Variants in PPP2R2A observed in about 807,000 individuals in gnomAD.
PPP2R2A encodes serine/threonine-protein phosphatase 2A 55 kDa regulatory subunit B alpha isoform.
A neutral mutation model predicts 53.2 loss-of-function variants in PPP2R2A; 9 were observed. The ratio of observed to expected loss-of-function variants is 0.17; its 90% confidence interval spans 0.10 to 0.30. The LOEUF (loss-of-function observed/expected upper bound fraction) is 0.30, where lower values mean the gene tolerates loss of function less well. PPP2R2A is among the 10% of genes least tolerant of loss of function. The probability of loss-of-function intolerance (pLI) is 1.00; values close to 1 mark genes in which losing one functional copy is unlikely to be tolerated. For missense variants in PPP2R2A, 235 were observed against 534.6 expected (o/e 0.44, Z 5.53); for synonymous variants, 169 against 174.2 (o/e 0.97, Z 0.23).
intron 2 of PPP2R2A, among the ~76,000 whole-genome samples, chr8:26,327,436 G>A (rs1462937166): frequency 6.6e-6 from 1 of 152,208 alleles, no homozygotes; most frequent in Non-Finnish European, 1.5e-5. Flanking sequence ...AGATGAGTAG[G>A]TCAAGCTTTA....
chr8:26,321,520 G>C lies in PPP2R2A; in HGVS notation c.83-17370G>C, dbSNP rs1229563888. ...GCTGGGATGCTGCTTCAGAGGTTAG[G>C]TTACAGAAAGGTTTTGGCATCCATG... On this transcript the variant is annotated intron_variant, in intron 2 of 9. Coordinates refer to ENST00000380737, the MANE Select transcript of PPP2R2A (RefSeq NM_002717.4). This position sits in a 1 kb window ranked among gnomAD's most constrained non-coding sequence, Gnocchi z 4.1. 6.6e-6 allele frequency among the ~76,000 whole-genome samples: 1 copy of C among 152,178 alleles called. No homozygotes were observed. Among genetic ancestry groups the C allele is most frequent in the Non-Finnish European group, 1.5e-5 (1 of 68,036 alleles).
At chr8:26,330,307 CTTT>C (rs11351968) in intron 2 of PPP2R2A, among the ~76,000 whole-genome samples, 2 of 129,938 alleles carry the variant, frequency 1.5e-5, no homozygotes, top group South Asian at 2.4e-4. Context: ...ATTCTTTTTT[CTTT>C]TTTTTTTTTT....
intron 3 of PPP2R2A, among the ~76,000 whole-genome samples, chr8:26,349,612 C>A (rs1804392981): frequency 6.6e-6 from 1 of 152,114 alleles, no homozygotes; most frequent in African/African-American, 2.4e-5. Flanking sequence ...ATTTTAAAAT[C>A]TTTATTTAAA....
intron 9 of PPP2R2A, among the ~76,000 whole-genome samples, chr8:26,367,362 G>C (rs1805428437): frequency 6.6e-6 from 1 of 152,192 alleles, no homozygotes; most frequent in South Asian, 2.1e-4. Context: ...GAAATAAGGT[G>C]TGGCGCACAG....
Position 26,360,756 on chromosome 8 carries a change from A to C in PPP2R2A, c.460-218A>C, listed in dbSNP as rs1805037262. 2.1e-6 allele frequency: 1 copy of C among 467,998 alleles called. No homozygotes were observed. The highest frequency in any genetic ancestry group is 2.0e-5 in the African/African-American group (1 of 49,014). The allele number at this position is 467,998 out of a possible 1,614,324, so 29.0% of individuals were successfully genotyped here. A position where few individuals can be genotyped will look rare whatever the true frequency, so the allele number is the denominator to read the frequency against. The stretch of plus-strand genomic sequence containing the variant: ...GAAACTAAGAACTGCAAATTCTAAT[A>C]GTATTGCAACCAGTAAAAGAAGATA... On this transcript the variant is annotated intron_variant, in intron 5 of 9. Coordinates refer to ENST00000380737, the MANE Select transcript of PPP2R2A (RefSeq NM_002717.4). This position sits in a 1 kb window ranked among gnomAD's most constrained non-coding sequence, Gnocchi z 4.5.
At chr8:26,334,224 G>A (rs568917140) in intron 2 of PPP2R2A, among the ~76,000 whole-genome samples, 5 of 152,218 alleles carry the variant, frequency 3.3e-5, no homozygotes, top group African/African-American at 9.6e-5. Flanking sequence ...ATTGTGATTG[G>A]TGATAGGACA....
intron 9 of PPP2R2A, among the ~76,000 whole-genome samples, chr8:26,369,832 A>G (rs185269191): frequency 6.6e-6 from 1 of 152,366 alleles, no homozygotes; most frequent in East Asian, 1.9e-4. Context: ...GGTTGATCAC[A>G]TAGCCTGTAG....
At position 26,338,861 on chromosome 8, in the gene PPP2R2A, T is replaced by C. The variant is rs912761062; in HGVS notation, c.83-29T>C. The C allele has an allele frequency of 1.3e-5, 19 of 1,465,986 alleles. 1 individual carries two copies. In the African/African-American group the frequency reaches 1.7e-4, roughly 13 times the overall value. The allele number at this position is 1,465,986 out of a possible 1,614,324, so 90.8% of individuals were successfully genotyped here. A position where few individuals can be genotyped will look rare whatever the true frequency, so the allele number is the denominator to read the frequency against. ...GTGAGTCGGGAAAGAAAAACTAATA[T>C]CTTTTTTTGTTTTGTCTCAATTATA... On this transcript the variant is annotated intron_variant, in intron 2 of 9. Transcript: ENST00000380737. The surrounding 1 kb of genome is among the most constrained non-coding windows in gnomAD (Gnocchi z 4.5).
In PPP2R2A at chr8:26,360,257, T is replaced by A; in HGVS notation, c.435T>A (p.Asp145Glu). 3.8e-6 allele frequency: 6 copies of A among 1,568,326 alleles called. No individual in the cohort carries two copies. The highest frequency in any genetic ancestry group is 5.3e-6 in the Non-Finnish European group (6 of 1,139,984). The change falls in exon 5 of 10, where the codon GAT becomes GAA. Residue 145 changes from aspartate to glutamate, a missense_variant. Asp to Glu is a conservative substitution (Grantham distance 45). This residue lies in a region of PPP2R2A where 181 missense variants were observed against 409.9 expected (regional missense o/e 0.44). Coordinates refer to ENST00000380737, the MANE Select transcript of PPP2R2A (RefSeq NM_002717.4). This position sits in a 1 kb window ranked among gnomAD's most constrained non-coding sequence, Gnocchi z 4.5. ...AAGAGGAGGATGGAAGGTATAGAGATCCTACTACAGTTACTACACTACGAG... is the reference window on the plus strand; with the variant it reads ...AAGAGGAGGATGGAAGGTATAGAGAACCTACTACAGTTACTACACTACGAG... Reference protein sequence around the residue: ...NLKEEDGRYRDPTTVTTLRVP... With the variant: ...NLKEEDGRYREPTTVTTLRVP...
chr8:26,353,677 A>G (rs116618814), intron 3 of PPP2R2A, among the ~76,000 whole-genome samples: 2,918 of 152,348 alleles, frequency 0.019, 88 homozygotes, highest in African/African-American at 0.067. Flanking sequence ...CTGAGATATT[A>G]ATGCTAACCA....
At chr8:26,310,299 A>AC (rs1491360401) in intron 2 of PPP2R2A, among the ~76,000 whole-genome samples, 8 of 50,754 alleles carry the variant, frequency 1.6e-4, no homozygotes, top group Non-Finnish European at 3.2e-4. Flanking sequence ...AAAAAAAAAA[A>AC]CACAGTGTCT....
chr8:26,311,648 C>T (rs1227517317), intron 2 of PPP2R2A, among the ~76,000 whole-genome samples: 7 of 152,134 alleles, frequency 4.6e-5, no homozygotes, highest in Non-Finnish European at 1.5e-5. Context: ...CCACTGCACT[C>T]CAGTCTGGGC....
chr8:26,363,900 T>G lies in PPP2R2A; in HGVS notation c.972+10T>G. ...TGTGGAAACATACCAGGTATTTGAG[T>G]TTTTTCTTTCAATGAGCATATACCC... On this transcript the variant is annotated intron_variant, in intron 8 of 9. Coordinates refer to ENST00000380737, the MANE Select transcript of PPP2R2A (RefSeq NM_002717.4). 1 of 1,572,980 alleles carries G rather than the reference T, an allele frequency of 6.4e-7. No individual in the cohort carries two copies. Among genetic ancestry groups the G allele is most frequent in the Non-Finnish European group, 8.7e-7 (1 of 1,155,532 alleles).
intron 2 of PPP2R2A, among the ~76,000 whole-genome samples, chr8:26,309,180 T>C (rs1425429714): frequency 6.6e-6 from 1 of 152,180 alleles, no homozygotes; most frequent in Non-Finnish European, 1.5e-5. Context: ...TTAATAATGC[T>C]AACAATTGTC....
Position 26,360,057 on chromosome 8 carries a change from T to TGAAAAAATG in PPP2R2A, c.347-112_347-111insGAAAAAATG. 1.7e-6 allele frequency: 1 copy of TGAAAAAATG among 586,872 alleles called. No individual in the cohort carries two copies. The allele number at this position is 586,872 out of a possible 1,614,324, so 36.4% of individuals were successfully genotyped here. ...TTTTAGTAAGTTCAGATTAGGGTTT[T>TGAAAAAATG]TTTTTTTTTCGTGGAATCCTTTTAC... On this transcript the variant is annotated intron_variant, in intron 4 of 9. Coordinates refer to ENST00000380737, the MANE Select transcript of PPP2R2A (RefSeq NM_002717.4). The surrounding 1 kb of genome is among the most constrained non-coding windows in gnomAD (Gnocchi z 4.5).
intron 2 of PPP2R2A, among the ~76,000 whole-genome samples, chr8:26,294,286 G>T (rs2046225): frequency 0.59 from 89,362 of 151,990 alleles, 26,534 homozygotes; most frequent in South Asian, 0.63. Context: ...GTATTTAGGT[G>T]GATAAGACAG....
At position 26,291,694 on chromosome 8, in the gene PPP2R2A, C is replaced by CCCCCCA; in HGVS notation, c.-124_-123insCCCACC. On this transcript the variant is annotated 5_prime_UTR_variant, in exon 1 of 10. Transcript: ENST00000380737. ...CTTCCTTTTCCCCCCGGCCCCCGTC[C>CCCCCCA]CCTCCCCCCGCAGGTGCCATCCGCC... 1 of 640,560 alleles carries CCCCCCA rather than the reference C, an allele frequency of 1.6e-6. No individual in the cohort carries two copies. Among genetic ancestry groups the CCCCCCA allele is most frequent in the Non-Finnish European group, 2.7e-6 (1 of 376,172 alleles). The allele number at this position is 640,560 out of a possible 1,614,324, so 39.7% of individuals were successfully genotyped here.
intron 3 of PPP2R2A, among the ~76,000 whole-genome samples, chr8:26,344,949 A>G (rs191656357): frequency 4.6e-4 from 70 of 152,286 alleles, no homozygotes; most frequent in Non-Finnish European, 9.0e-4. Flanking sequence ...ATGGGACCCA[A>G]GTCCTAAACA....
chr8:26,363,126 T>TG (rs1180170653), intron 7 of PPP2R2A: 8 of 281,564 alleles, frequency 2.8e-5, no homozygotes, highest in Non-Finnish European at 5.3e-5. Context: ...AACCTTGTAT[T>TG]GAAGTAGAGC....
Sources: allele counts gnomAD v4.1 joint callset (sites outside exome capture counted in the v4.1 genomes callset), GRCh38; gene constraint gnomAD v4.1.1; regional missense constraint gnomAD v4.1.1; non-coding constraint Gnocchi (gnomAD v3.1); transcripts MANE v1.5; gene names NCBI Gene and HGNC (gene_info 2026-07-23, HGNC 2026-07-21).